Variants in GLIS3 observed in about 807,000 individuals in gnomAD.
GLIS3 encodes GLIS family zinc finger 3, also known as zinc finger protein GLIS3.
Under a neutral mutation model 78.6 loss-of-function variants are expected in GLIS3, and 53 were observed. The observed-to-expected ratio is 0.67, with a 90% CI of 0.54 to 0.85. The LOEUF is 0.85. Among genes scored for constraint, GLIS3 ranks in the 40% least tolerant of loss-of-function variants. The pLI is 0.00. For missense variants in GLIS3, 1,703 were observed against 1,231.1 expected, an observed-to-expected ratio of 1.38 and a Z score of -5.74; for synonymous variants, 684 against 509.9, an observed-to-expected ratio of 1.34 and a Z score of -4.60.
chr9:4,407,430 G>T, the GLIS3 span, among the ~76,000 whole-genome samples: 1 of 152,216 alleles, frequency 6.6e-6, no homozygotes, highest in Non-Finnish European at 1.5e-5. Context: ...TGGATCACGA[G>T]GTCAGGAGAT....
intron 2 of GLIS3, among the ~76,000 whole-genome samples, chr9:4,244,687 G>T (rs940735587): frequency 3.3e-5 from 5 of 152,016 alleles, no homozygotes; most frequent in Admixed American, 6.6e-5. Context: ...TGATTCTCCT[G>T]CCTCAACCTC....
chr9:4,162,476 G>A (rs1447715621), intron 2 of GLIS3, among the ~76,000 whole-genome samples: 1 of 152,072 alleles, frequency 6.6e-6, no homozygotes, highest in East Asian at 1.9e-4. Context: ...CAAGAACAAT[G>A]GAAGGAAGGT....
chr9:4,035,280 T>C lies in GLIS3; in HGVS notation c.1710+82488A>G, dbSNP rs573680952. Among the ~76,000 whole-genome samples, 4 of 152,194 alleles carry C rather than the reference T, an allele frequency of 2.6e-5. No individual in the cohort carries two copies. In the East Asian group the frequency reaches 5.8e-4, roughly 22 times the overall value. ...ATTACTTGTTAGAAGATCCTACAGA[T>C]AGTGAGCCATGATTCAAAACCAGGT... On this transcript the variant is annotated intron_variant, in intron 4 of 10. Coordinates refer to ENST00000381971, the MANE Select transcript of GLIS3 (RefSeq NM_001042413.2).
intron 6 of GLIS3, among the ~76,000 whole-genome samples, chr9:3,913,480 T>A (rs1275515916): frequency 2.6e-5 from 4 of 152,152 alleles, no homozygotes; most frequent in Non-Finnish European, 4.4e-5. Flanking sequence ...ATGATGGAGG[T>A]CACACAGAGC....
chr9:4,152,856 A>T (rs1834783001), intron 2 of GLIS3, among the ~76,000 whole-genome samples: 3 of 152,246 alleles, frequency 2.0e-5, no homozygotes, highest in Admixed American at 1.3e-4. Context: ...GTTTCTGAAG[A>T]CCTAAATAAA....
At chr9:4,204,078 C>T (rs1261537763) in intron 2 of GLIS3, among the ~76,000 whole-genome samples, 2 of 152,146 alleles carry the variant, frequency 1.3e-5, no homozygotes, top group Admixed American at 6.5e-5. Flanking sequence ...TGCATGTGTC[C>T]TCTGAATCTA....
At chr9:4,331,714 GAGT>G (rs1426297745) in intron 2 of GLIS3, among the ~76,000 whole-genome samples, 1 of 152,192 alleles carries the variant, frequency 6.6e-6, no homozygotes, top group Non-Finnish European at 1.5e-5. Context: ...TCACAGACTT[GAGT>G]GTGAGCCAAA....
the GLIS3 span, among the ~76,000 whole-genome samples, chr9:4,365,066 G>A: frequency 6.6e-6 from 1 of 152,102 alleles, no homozygotes; most frequent in Admixed American, 6.6e-5. Flanking sequence ...TTCTTTGTAA[G>A]ACAGAAATTT....
intron 4 of GLIS3, among the ~76,000 whole-genome samples, chr9:4,002,457 C>T (rs1349213514): frequency 1.3e-5 from 2 of 152,212 alleles, no homozygotes; most frequent in Non-Finnish European, 1.5e-5. Flanking sequence ...GGCTTTACCC[C>T]TGCTTGCATT....
chr9:4,123,640 A>G (rs976599666), intron 3 of GLIS3: 48 of 384,282 alleles, frequency 1.2e-4, no homozygotes, highest in African/African-American at 8.9e-4. Flanking sequence ...ATAAAAGCTT[A>G]TAATATATTA....
At chr9:4,195,379 C>A (rs184581295) in intron 2 of GLIS3, among the ~76,000 whole-genome samples, 5 of 152,324 alleles carry the variant, frequency 3.3e-5, no homozygotes, top group Admixed American at 2.0e-4. Context: ...GCTTGGCCGG[C>A]CCCACACTCG....
At chr9:4,120,449 C>G (rs987450725) in intron 3 of GLIS3, among the ~76,000 whole-genome samples, 13 of 152,236 alleles carry the variant, frequency 8.5e-5, no homozygotes, top group African/African-American at 1.4e-4. Flanking sequence ...GCAACCTCCA[C>G]AGTGGTTCTG....
At chr9:3,901,821 G>C (rs1490604117) in intron 6 of GLIS3, among the ~76,000 whole-genome samples, 2 of 152,166 alleles carry the variant, frequency 1.3e-5, no homozygotes, top group African/African-American at 2.4e-5. Context: ...CCTTTGGAAG[G>C]TATGTTTGTT....
the GLIS3 span, among the ~76,000 whole-genome samples, chr9:4,373,645 C>T: frequency 6.6e-6 from 1 of 151,324 alleles, no homozygotes; most frequent in Non-Finnish European, 1.5e-5. Flanking sequence ...TTTTTGTTAT[C>T]TAGGGGAAAA....
At chr9:4,325,912 C>T (rs10974460) in intron 2 of GLIS3, among the ~76,000 whole-genome samples, 1 of 151,942 alleles carries the variant, frequency 6.6e-6, no homozygotes, top group Non-Finnish European at 1.5e-5. Context: ...GGACATGGAT[C>T]GAGCTGGAAG....
intron 2 of GLIS3, among the ~76,000 whole-genome samples, chr9:4,146,312 T>G (rs975841631): frequency 6.6e-6 from 1 of 152,242 alleles, no homozygotes; most frequent in African/African-American, 2.4e-5. Flanking sequence ...TAGTTCTAGA[T>G]AAGAAATTTG....
At position 3,856,118 on chromosome 9, in the gene GLIS3, T is replaced by G. The variant is rs566474240; in HGVS notation, c.2364A>C (p.Ile788=). 1 of 1,614,092 alleles carries G rather than the reference T, an allele frequency of 6.2e-7. No homozygotes were observed. The highest frequency in any genetic ancestry group is 1.1e-5 in the South Asian group (1 of 91,072). Residue 788 remains isoleucine, a synonymous_variant, in exon 9 of 11, where the codon ATA becomes ATC. Transcript: ENST00000381971. ...SPRRVPAPSS[I]LQRTQPPYTQ... is the part of the protein sequence containing the mutation. Reference sequence around the variant, plus strand: ...TATAGGGAGGCTGTGTTCTTTGCAGTATTGAAGAAGGAGCTGGAACTCTCC... The same window carrying G: ...TATAGGGAGGCTGTGTTCTTTGCAGGATTGAAGAAGGAGCTGGAACTCTCC...
chr9:4,374,093 A>C, the GLIS3 span, among the ~76,000 whole-genome samples: 27 of 152,330 alleles, frequency 1.8e-4, no homozygotes, highest in South Asian at 2.3e-3. Flanking sequence ...CGGATACACG[A>C]AATCTGTCCA....
At chr9:3,906,439 G>C (rs1047707329) in intron 6 of GLIS3, among the ~76,000 whole-genome samples, 5 of 152,176 alleles carry the variant, frequency 3.3e-5, no homozygotes, top group African/African-American at 1.2e-4. Context: ...TGTAATATGA[G>C]AGAAACACAG....
Sources: gnomAD v4.1 joint callset for allele counts (sites outside exome capture counted in the v4.1 genomes callset) on GRCh38, gnomAD v4.1.1 for gene constraint, MANE v1.5 for transcripts, NCBI Gene and HGNC (gene_info 2026-07-23, HGNC 2026-07-21) for gene names.